Variants in ATF6 observed in about 807,000 individuals in gnomAD.
ATF6 encodes the protein activating transcription factor 6.
A neutral mutation model predicts 83.6 loss-of-function variants in ATF6; 53 were observed. The observed-to-expected ratio is 0.63, with a 90% confidence interval of 0.51 to 0.80. The LOEUF (loss-of-function observed/expected upper bound fraction) is 0.80. Ranked by LOEUF, ATF6 falls within the 30% of genes least tolerant of loss-of-function variation. The pLI is 0.00. For synonymous variants in ATF6, 288 were observed against 285.8 expected, an observed-to-expected ratio of 1.01 and a Z score of -0.08; for missense variants, 744 against 797.9, an observed-to-expected ratio of 0.93 and a Z score of 0.81.
intron 9 of ATF6, among the ~76,000 whole-genome samples, chr1:161,832,703 G>A (rs985892755): frequency 2.0e-4 from 31 of 152,340 alleles, no homozygotes; most frequent in African/African-American, 7.0e-4. Flanking sequence ...CAGCGAGGCT[G>A]GGGGAGGGGC....
chr1:161,857,902 T>C (rs1214810983), intron 12 of ATF6, among the ~76,000 whole-genome samples: 6 of 152,142 alleles, frequency 3.9e-5, no homozygotes, highest in Admixed American at 6.6e-5. Flanking sequence ...GTAACTGATA[T>C]CAAAGTATAA....
chr1:161,872,924 T>C (rs1558005485), intron 14 of ATF6, among the ~76,000 whole-genome samples: 1 of 151,528 alleles, frequency 6.6e-6, no homozygotes, highest in Non-Finnish European at 1.5e-5. Flanking sequence ...GGATAGGGTA[T>C]AAGGTAAATA....
intron 15 of ATF6, among the ~76,000 whole-genome samples, chr1:161,934,307 A>T (rs1371265376): frequency 6.6e-6 from 1 of 152,198 alleles, no homozygotes; most frequent in Non-Finnish European, 1.5e-5. Context: ...GAAAAGTTTG[A>T]AAAAAATAAG....
At chr1:161,954,153 A>T (rs999871283) in intron 15 of ATF6, among the ~76,000 whole-genome samples, 1 of 152,152 alleles carries the variant, frequency 6.6e-6, no homozygotes, top group Non-Finnish European at 1.5e-5. Flanking sequence ...ATTGAAAATT[A>T]TAAGTAAGAA....
chr1:161,839,287 A>T (rs1232311479), intron 9 of ATF6, among the ~76,000 whole-genome samples: 2 of 152,220 alleles, frequency 1.3e-5, no homozygotes, highest in African/African-American at 4.8e-5. Flanking sequence ...AATTCTTTGG[A>T]CAAAGGGATA....
intron 14 of ATF6, among the ~76,000 whole-genome samples, chr1:161,895,236 C>CA (rs1221302800): frequency 6.6e-6 from 1 of 151,726 alleles, no homozygotes; most frequent in African/African-American, 2.4e-5. Flanking sequence ...GAACCTGTGT[C>CA]AAAAAAATAA....
At chr1:161,931,164 C>T (rs1026111488) in intron 15 of ATF6, among the ~76,000 whole-genome samples, 1 of 152,128 alleles carries the variant, frequency 6.6e-6, no homozygotes, top group Non-Finnish European at 1.5e-5. Flanking sequence ...CGTGAGCCAC[C>T]GCACCTGGCT....
chr1:161,935,824 A>G (rs984316218), intron 15 of ATF6, among the ~76,000 whole-genome samples: 2 of 152,246 alleles, frequency 1.3e-5, no homozygotes, highest in African/African-American at 4.8e-5. Context: ...GGTTCTCAGT[A>G]AAGAGTGGCA....
Position 161,856,189 on chromosome 1 carries a change from T to A in ATF6, c.1533+2866T>A, listed in dbSNP as rs1686755696. Among the ~76,000 whole-genome samples, 3 of 152,350 alleles carry A rather than the reference T, an allele frequency of 2.0e-5. No individual in the cohort carries two copies. The East Asian group carries it at 5.8e-4, about 29-fold the overall frequency. On this transcript the variant is annotated intron_variant, in intron 12 of 15. Coordinates refer to ENST00000367942, the MANE Select transcript of ATF6 (RefSeq NM_007348.4). Reference sequence around the variant, plus strand: ...GGTTTTTAACCATTATGGAACTGTTTTCATACATAAAATGAGGGCTAGTCT... The same window carrying A: ...GGTTTTTAACCATTATGGAACTGTTATCATACATAAAATGAGGGCTAGTCT...
chr1:161,832,429 A>G (rs1370029376), intron 9 of ATF6, among the ~76,000 whole-genome samples: 2 of 152,122 alleles, frequency 1.3e-5, no homozygotes, highest in Non-Finnish European at 1.5e-5. Flanking sequence ...GGTGCAGCGC[A>G]CCGTGCATGA....
chr1:161,800,326 T>C (rs1685116102), intron 6 of ATF6, among the ~76,000 whole-genome samples: 1 of 152,164 alleles, frequency 6.6e-6, no homozygotes, highest in Admixed American at 6.5e-5. Flanking sequence ...ACACATAGCC[T>C]GAAGGTAATT....
intron 7 of ATF6, among the ~76,000 whole-genome samples, chr1:161,808,200 TAATA>T (rs1222890440): frequency 6.6e-6 from 1 of 152,130 alleles, no homozygotes; most frequent in Non-Finnish European, 1.5e-5. Context: ...TTTATAAGAA[TAATA>T]AATAATTATT....
intron 6 of ATF6, among the ~76,000 whole-genome samples, chr1:161,800,999 A>G (rs988761475): frequency 4.6e-5 from 7 of 152,190 alleles, no homozygotes; most frequent in Admixed American, 2.6e-4. Flanking sequence ...TAACAGCATC[A>G]TCTTCATTGT....
chr1:161,849,416 A>G (rs1023409251), intron 10 of ATF6, among the ~76,000 whole-genome samples: 2 of 152,192 alleles, frequency 1.3e-5, no homozygotes, highest in Non-Finnish European at 2.9e-5. Flanking sequence ...TGTGTGGCAT[A>G]AATAGCTATC....
chr1:161,948,344 A>G (rs1688795995), intron 15 of ATF6, among the ~76,000 whole-genome samples: 1 of 152,228 alleles, frequency 6.6e-6, no homozygotes, highest in Non-Finnish European at 1.5e-5. Context: ...CATCTTTTCC[A>G]GAATTAATAT....
chr1:161,802,239 C>T lies in ATF6; in HGVS notation c.876C>T (p.Val292=). The T allele has an allele frequency of 1.2e-6, 2 of 1,613,984 alleles. No individual in the cohort carries two copies. The highest frequency in any genetic ancestry group is 1.7e-6 in the Non-Finnish European group (2 of 1,179,956). Reference sequence around the variant, plus strand: ...GAAAACTTTCCGTGACTAAACCTGTCCTACAAAGTACCATGAGAAATGTCG... The same window carrying T: ...GAAAACTTTCCGTGACTAAACCTGTTCTACAAAGTACCATGAGAAATGTCG... ...VNGKLSVTKP[V]LQSTMRNVGS... is the part of the protein sequence containing the mutation. Residue 292 remains valine (V), a synonymous_variant, in exon 7 of 16, where the codon GTC becomes GTT. Coordinates refer to ENST00000367942, the MANE Select transcript of ATF6 (RefSeq NM_007348.4).
intron 9 of ATF6, among the ~76,000 whole-genome samples, chr1:161,837,691 GAAAA>G (rs368497457): frequency 1.3e-4 from 19 of 151,858 alleles, no homozygotes; most frequent in African/African-American, 4.6e-4. Flanking sequence ...AAAAGAGGAT[GAAAA>G]CAGGTGAAGA....
intron 14 of ATF6, among the ~76,000 whole-genome samples, chr1:161,905,981 T>G (rs918715161): frequency 6.6e-6 from 1 of 152,086 alleles, no homozygotes; most frequent in Non-Finnish European, 1.5e-5. Context: ...CACAGGCGCC[T>G]GCCACCACGC....
intron 14 of ATF6, among the ~76,000 whole-genome samples, chr1:161,892,770 TG>T (rs1687585116): frequency 6.6e-6 from 1 of 151,640 alleles, no homozygotes. Context: ...CCTTAGTACC[TG>T]GGACTACAGG....
Sources: gnomAD v4.1 joint callset for allele counts (sites outside exome capture counted in the v4.1 genomes callset) on GRCh38, gnomAD v4.1.1 for gene constraint, MANE v1.5 for transcripts, NCBI Gene and HGNC (gene_info 2026-07-23, HGNC 2026-07-21) for gene names.